ARID5B: variants seen among roughly 807,000 people sequenced by gnomAD.
The protein encoded by ARID5B is AT-rich interaction domain 5B.
In ARID5B, 13 loss-of-function variants were observed where a neutral mutation model predicts 97.2. The ratio of observed to expected loss-of-function variants is 0.13; its 90% confidence interval spans 0.09 to 0.21. The LOEUF (loss-of-function observed/expected upper bound fraction) is 0.21. ARID5B is among the 10% of genes least tolerant of loss of function. ARID5B has a pLI of 1.00. For missense variants in ARID5B, 1,210 were observed against 1,465.3 expected (o/e 0.83, Z 2.84); for synonymous variants, 556 against 570.3 (o/e 0.97, Z 0.36).
Position 62,091,568 on chromosome 10 carries a change from C to A in ARID5B, c.2105C>A (p.Ala702Asp), listed in dbSNP as rs1276732650. The change falls in exon 10 of 10, where the codon GCC (alanine) becomes GAC (aspartate). Residue 702 changes from alanine (A) to aspartate (D), a missense_variant. Ala to Asp is a moderately radical substitution (Grantham distance 126, BLOSUM62 -2). Coordinates refer to ENST00000279873, the MANE Select transcript of ARID5B (RefSeq NM_032199.3). Reference sequence around the variant, plus strand: ...AAGCTTTTGTCCCAAGTGAGTGGGGCCAGCCTCTCCAGCAGCTACCCTTAT... The same window carrying A: ...AAGCTTTTGTCCCAAGTGAGTGGGGACAGCCTCTCCAGCAGCTACCCTTAT... ...KKKLLSQVSG[A>D]SLSSSYPYGS... 10 of 1,612,378 alleles carry A rather than the reference C, an allele frequency of 6.2e-6. No individual in the cohort carries two copies. Among genetic ancestry groups the A allele is most frequent in the Non-Finnish European group, 8.5e-6 (10 of 1,179,286 alleles).
At chr10:62,081,853 C>T (rs926381598) in intron 8 of ARID5B, among the ~76,000 whole-genome samples, 3 of 152,138 alleles carry the variant, frequency 2.0e-5, no homozygotes, top group African/African-American at 4.8e-5. Context: ...TACTAAGCAC[C>T]ATTATTTAAC....
intron 3 of ARID5B, among the ~76,000 whole-genome samples, chr10:61,946,589 T>C (rs1055192153): frequency 6.6e-6 from 1 of 152,202 alleles, no homozygotes; most frequent in Non-Finnish European, 1.5e-5. Context: ...ATACTATTCA[T>C]GAATATCATG....
At chr10:62,042,708 G>A (rs536754222) in intron 4 of ARID5B, among the ~76,000 whole-genome samples, 84 of 151,950 alleles carry the variant, frequency 5.5e-4, no homozygotes, top group African/African-American at 1.9e-3. Flanking sequence ...TCAGGAGATC[G>A]AAACCATCCT....
chr10:61,968,955 C>T (rs1838585982), intron 3 of ARID5B, among the ~76,000 whole-genome samples: 1 of 152,096 alleles, frequency 6.6e-6, no homozygotes, highest in Non-Finnish European at 1.5e-5. Context: ...CATTTCTGCC[C>T]ATAGAATTGT....
intron 2 of ARID5B, among the ~76,000 whole-genome samples, chr10:61,915,163 C>T (rs1017404650): frequency 2.0e-5 from 3 of 152,190 alleles, no homozygotes; most frequent in African/African-American, 7.2e-5. Context: ...GCCTTTCTCA[C>T]ATTTCACAGG....
chr10:61,925,985 A>G (rs567998788), intron 2 of ARID5B, among the ~76,000 whole-genome samples: 2 of 152,296 alleles, frequency 1.3e-5, no homozygotes, highest in East Asian at 3.9e-4. Context: ...TCTGGTGAGC[A>G]GGATGGAAAA....
intron 9 of ARID5B, among the ~76,000 whole-genome samples, chr10:62,090,521 A>G (rs778522902): frequency 6.6e-6 from 1 of 152,372 alleles, no homozygotes; most frequent in Non-Finnish European, 1.5e-5. Context: ...ACCCATTTGG[A>G]TAATTGACTG....
At chr10:61,952,659 A>G (rs1838338912) in intron 3 of ARID5B, among the ~76,000 whole-genome samples, 1 of 152,180 alleles carries the variant, frequency 6.6e-6, no homozygotes, top group Non-Finnish European at 1.5e-5. Flanking sequence ...GACACTCTCT[A>G]GTGGAGAGGC....
intron 2 of ARID5B, among the ~76,000 whole-genome samples, chr10:61,910,817 G>A (rs1207261752): frequency 3.3e-5 from 5 of 152,176 alleles, no homozygotes; most frequent in South Asian, 2.1e-4. Flanking sequence ...CATTTATCAC[G>A]CAGACTAGGA....
chr10:62,003,402 G>A (rs1342506709), intron 4 of ARID5B, among the ~76,000 whole-genome samples: 1 of 152,084 alleles, frequency 6.6e-6, no homozygotes, highest in Non-Finnish European at 1.5e-5. Context: ...AAAAAGGCAG[G>A]GTTTGATCTG....
chr10:61,927,242 C>T (rs1475839740), intron 2 of ARID5B, among the ~76,000 whole-genome samples: 1 of 152,172 alleles, frequency 6.6e-6, no homozygotes, highest in Non-Finnish European at 1.5e-5. Context: ...TGTATTGTAA[C>T]AACTACAGCA....
chr10:62,048,428 G>A (rs1470787583), intron 4 of ARID5B, among the ~76,000 whole-genome samples: 1 of 152,206 alleles, frequency 6.6e-6, no homozygotes, highest in Non-Finnish European at 1.5e-5. Context: ...GGGAGAGTAG[G>A]AGAGGAATTT....
At chr10:62,053,605 T>C (rs1264910162) in intron 5 of ARID5B, among the ~76,000 whole-genome samples, 2 of 152,326 alleles carry the variant, frequency 1.3e-5, no homozygotes, top group Admixed American at 6.5e-5. Context: ...AGGCCTTTCA[T>C]AGAGTGATCT....
chr10:62,067,506 T>C (rs913379080), intron 7 of ARID5B, among the ~76,000 whole-genome samples: 1 of 152,242 alleles, frequency 6.6e-6, no homozygotes, highest in Admixed American at 6.5e-5. Context: ...TTAGCTAGAT[T>C]TCCCCATTGG....
At position 62,091,840 on chromosome 10, in the gene ARID5B, C is replaced by T. The variant is rs775499447; in HGVS notation, c.2377C>T (p.Leu793Phe). The T allele has an allele frequency of 3.7e-6, 6 of 1,614,008 alleles. No homozygotes were observed. The highest frequency in any genetic ancestry group is 1.3e-5 in the African/African-American group (1 of 74,918). The change falls in exon 10 of 10, where the codon CTT becomes TTT. Residue 793 changes from leucine (L) to phenylalanine (F), a missense_variant. By Grantham distance (22) the Leu-to-Phe change is conservative (BLOSUM62 0). This residue lies in a region of ARID5B where 800 missense variants were observed against 839.1 expected (regional missense o/e 0.95). Coordinates refer to ENST00000279873, the MANE Select transcript of ARID5B (RefSeq NM_032199.3). Reference protein sequence around the residue: ...PHRCSFSKHHLNPLADSYVLK... With the variant: ...PHRCSFSKHHFNPLADSYVLK... ...CCGCTGCAGCTTCTCCAAGCATCAC[C>T]TTAACCCCCTTGCTGACTCCTACGT... is the stretch of plus-strand genomic sequence containing the variant.
intron 8 of ARID5B, among the ~76,000 whole-genome samples, chr10:62,081,063 A>G (rs1209134844): frequency 1.3e-5 from 2 of 152,168 alleles, no homozygotes. Flanking sequence ...TCCGCCTGCC[A>G]AAGTGCTGGG....
chr10:62,063,567 A>G (rs540458116), intron 7 of ARID5B, among the ~76,000 whole-genome samples: 2 of 152,182 alleles, frequency 1.3e-5, no homozygotes, highest in South Asian at 2.1e-4. Flanking sequence ...GCATTTGACT[A>G]ATGGCTATAT....
intron 2 of ARID5B, among the ~76,000 whole-genome samples, chr10:61,931,113 C>T (rs1262530173): frequency 6.6e-6 from 1 of 152,120 alleles, no homozygotes; most frequent in Non-Finnish European, 1.5e-5. Context: ...AATAAGAAAA[C>T]GCCTTGGGTT....
intron 2 of ARID5B, among the ~76,000 whole-genome samples, chr10:61,916,564 C>G (rs1250556038): frequency 6.6e-6 from 1 of 152,148 alleles, no homozygotes; most frequent in African/African-American, 2.4e-5. Context: ...AGTATCATCT[C>G]CATTTTGCGG....
Sources: allele counts gnomAD v4.1 joint callset (sites outside exome capture counted in the v4.1 genomes callset), GRCh38; gene constraint gnomAD v4.1.1; regional missense constraint gnomAD v4.1.1; transcripts MANE v1.5; gene names NCBI Gene and HGNC (gene_info 2026-07-23, HGNC 2026-07-21).